MRPS35: variants seen among roughly 807,000 people sequenced by gnomAD.
MRPS35 encodes small ribosomal subunit protein mS35.
A neutral mutation model predicts 32.7 loss-of-function variants in MRPS35; 29 were observed. The observed-to-expected ratio is 0.89, with a 90% confidence interval of 0.66 to 1.21. MRPS35 has a LOEUF of 1.21. MRPS35 is among the 50% of genes most tolerant of loss of function. The pLI is 0.00. For missense variants in MRPS35, 373 were observed against 383.8 expected (o/e 0.97, Z 0.23); for synonymous variants, 148 against 139.3 (o/e 1.06, Z -0.44).
chr12:27,738,635 T>G (rs1001784091), intron 7 of MRPS35, among the ~76,000 whole-genome samples: 1 of 152,104 alleles, frequency 6.6e-6, no homozygotes, highest in Non-Finnish European at 1.5e-5. Context: ...TAAATTAAAT[T>G]TTTTGTGCCT....
At position 27,714,759 on chromosome 12, in the gene MRPS35, T is replaced by A. The variant is rs1460087879; in HGVS notation, c.113-21T>A. ...ACATGATAAAATTCTCTTTAACTAC[T>A]GTGTTATCTTTTACGTACAGCGGAA... On this transcript the variant is annotated intron_variant, in intron 1 of 7. Coordinates refer to ENST00000081029, the MANE Select transcript of MRPS35 (RefSeq NM_021821.4). The A allele has an allele frequency of 1.9e-6, 3 of 1,590,582 alleles. No individual in the cohort carries two copies. In the Admixed American group the frequency reaches 5.2e-5, roughly 27 times the overall value.
chr12:27,731,960 G>A (rs2061923790), intron 5 of MRPS35, among the ~76,000 whole-genome samples: 1 of 152,214 alleles, frequency 6.6e-6, no homozygotes, highest in African/African-American at 2.4e-5. Flanking sequence ...TAAGTTCTTA[G>A]ATTGAAGCTG....
intron 7 of MRPS35, among the ~76,000 whole-genome samples, chr12:27,750,278 A>G (rs1040262584): frequency 3.3e-5 from 5 of 152,182 alleles, no homozygotes; most frequent in Non-Finnish European, 7.3e-5. Flanking sequence ...GAAATCCCCC[A>G]ATAGATTGTG....
intron 5 of MRPS35, among the ~76,000 whole-genome samples, chr12:27,733,026 ATATATATATATATATC>A (rs2061928700): frequency 1.5e-5 from 2 of 132,918 alleles, no homozygotes; most frequent in African/African-American, 2.7e-5. Context: ...ATATATATAT[ATATATATATATATATC>A]CAGCACCTCC....
At chr12:27,726,126 T>C (rs559300856) in intron 5 of MRPS35, among the ~76,000 whole-genome samples, 74 of 152,112 alleles carry the variant, frequency 4.9e-4, no homozygotes, top group Non-Finnish European at 7.9e-4. Flanking sequence ...TTCTTTTTAA[T>C]AATGGCTTTA....
At chr12:27,720,617 A>G (rs1008995832) in intron 4 of MRPS35, among the ~76,000 whole-genome samples, 7 of 151,774 alleles carry the variant, frequency 4.6e-5, no homozygotes, top group African/African-American at 1.5e-4. Flanking sequence ...ATTTATGTAT[A>G]TATGCTTATA....
intron 2 of MRPS35, among the ~76,000 whole-genome samples, 196 bp from the exon 3 acceptor site, chr12:27,716,095 G>A (rs1249881665): frequency 2.0e-5 from 3 of 152,200 alleles, no homozygotes; most frequent in African/African-American, 7.2e-5. Flanking sequence ...AAGAAACAGT[G>A]CAGAGATATT....
chr12:27,718,562 CTAAT>C (rs1370931062), intron 3 of MRPS35, among the ~76,000 whole-genome samples: 1 of 152,166 alleles, frequency 6.6e-6, no homozygotes, highest in Non-Finnish European at 1.5e-5. Flanking sequence ...CTAATAAATG[CTAAT>C]TATTTATTTG....
At chr12:27,728,379 T>G (rs1283416159) in intron 5 of MRPS35, among the ~76,000 whole-genome samples, 4 of 152,094 alleles carry the variant, frequency 2.6e-5, no homozygotes, top group Non-Finnish European at 4.4e-5. Flanking sequence ...TAATTAATAT[T>G]TTGACAAATT....
At chr12:27,751,799 G>A (rs1022574879) in intron 7 of MRPS35, among the ~76,000 whole-genome samples, 1 of 152,212 alleles carries the variant, frequency 6.6e-6, no homozygotes, top group Non-Finnish European at 1.5e-5. Flanking sequence ...GACAACAGTG[G>A]CTCAGAGCCA....
At chr12:27,727,205 C>T (rs756000263) in intron 5 of MRPS35, among the ~76,000 whole-genome samples, 2 of 152,074 alleles carry the variant, frequency 1.3e-5, no homozygotes, top group Non-Finnish European at 2.9e-5. Flanking sequence ...TTGTGATCTG[C>T]CTGCCTCAGC....
At chr12:27,724,992 A>G (rs539064942) in intron 5 of MRPS35, among the ~76,000 whole-genome samples, 6 of 152,280 alleles carry the variant, frequency 3.9e-5, no homozygotes, top group East Asian at 1.9e-4. Flanking sequence ...ACATAGCTCA[A>G]TGTGGCCTCC....
intron 7 of MRPS35, among the ~76,000 whole-genome samples, chr12:27,749,081 G>A (rs2061991486): frequency 6.6e-6 from 1 of 152,146 alleles, no homozygotes; most frequent in South Asian, 2.1e-4. Flanking sequence ...GATTTAAGAT[G>A]TACACCAAGT....
intron 7 of MRPS35, among the ~76,000 whole-genome samples, chr12:27,753,718 A>G (rs78966248): frequency 2.5e-5 from 3 of 117,934 alleles, no homozygotes; most frequent in Admixed American, 8.3e-5. Context: ...GTTAATTTGG[A>G]AAAAAAATGT....
At chr12:27,719,256 G>T (rs2061863266) in intron 3 of MRPS35, among the ~76,000 whole-genome samples, 1 of 152,094 alleles carries the variant, frequency 6.6e-6, no homozygotes, top group South Asian at 2.1e-4. Context: ...AAAGACAAAA[G>T]ATTTATATGA....
intron 7 of MRPS35, among the ~76,000 whole-genome samples, chr12:27,750,606 C>T (rs983640972): frequency 6.6e-6 from 1 of 151,786 alleles, no homozygotes; most frequent in Non-Finnish European, 1.5e-5. Flanking sequence ...AGTTTGAGAA[C>T]AGCCTGGGCA....
intron 1 of MRPS35, among the ~76,000 whole-genome samples, chr12:27,711,532 C>T (rs1216675505): frequency 1.3e-5 from 2 of 152,128 alleles, no homozygotes; most frequent in Non-Finnish European, 1.5e-5. Flanking sequence ...AGAAGTGTGG[C>T]TAGAATGACG....
intron 5 of MRPS35, among the ~76,000 whole-genome samples, chr12:27,729,553 C>T (rs1447281765): frequency 6.6e-6 from 1 of 152,044 alleles, no homozygotes; most frequent in African/African-American, 2.4e-5. Flanking sequence ...GGTAGGATTT[C>T]AGTGAGATAA....
At position 27,724,162 on chromosome 12, in the gene MRPS35, C is replaced by T. The variant is rs201037433; in HGVS notation, c.498C>T (p.Pro166=). The change falls in exon 5 of 8, where the codon CCC becomes CCT. Residue 166 remains proline (P), a synonymous_variant. Transcript: ENST00000081029. The part of the protein sequence containing the change: ...YVSSGPSVRN[P]RARVVVLRVK... ...CATCAGGACCATCTGTTCGGAACCCCAGAGCACGAGTAGTAGTCTTAAGAG... is the reference window on the plus strand; with the variant it reads ...CATCAGGACCATCTGTTCGGAACCCTAGAGCACGAGTAGTAGTCTTAAGAG... 139 of 1,596,042 alleles carry T rather than the reference C, an allele frequency of 8.7e-5. No homozygotes were observed. The highest frequency in any genetic ancestry group is 2.7e-4 in the Admixed American group (15 of 54,704).
Sources: gnomAD v4.1 joint callset for allele counts (sites outside exome capture counted in the v4.1 genomes callset) on GRCh38, gnomAD v4.1.1 for gene constraint, MANE v1.5 for transcripts, NCBI Gene and HGNC (gene_info 2026-07-23, HGNC 2026-07-21) for gene names.